CSMD1: variants seen among roughly 807,000 people sequenced by gnomAD.
The protein encoded by CSMD1 is CUB and Sushi multiple domains 1, also known as CUB and sushi domain-containing protein 1.
In CSMD1, 213 loss-of-function variants were observed where a neutral mutation model predicts 417.5. The observed-to-expected ratio is 0.51, with a 90% confidence interval of 0.46 to 0.57. The LOEUF (loss-of-function observed/expected upper bound fraction) is 0.57. Among genes scored for constraint, CSMD1 ranks in the 20% least tolerant of loss-of-function variants. The pLI is 0.00. For synonymous variants in CSMD1, 2,862 were observed against 1,736.8 expected, an observed-to-expected ratio of 1.65 and a Z score of -16.11; for missense variants, 6,923 against 4,529.7, an observed-to-expected ratio of 1.53 and a Z score of -15.17.
At chr8:3,690,028 G>C (rs1800153658) in intron 7 of CSMD1, among the ~76,000 whole-genome samples, 1 of 152,202 alleles carries the variant, frequency 6.6e-6, no homozygotes, top group African/African-American at 2.4e-5. Context: ...TGGAGTTCTT[G>C]CTTTAGCAAA....
intron 4 of CSMD1, among the ~76,000 whole-genome samples, chr8:4,031,075 G>C (rs1359201149): frequency 6.6e-6 from 1 of 152,106 alleles, no homozygotes; most frequent in Non-Finnish European, 1.5e-5. Context: ...CAAGTCTCTA[G>C]AGAATTCCAA....
chr8:3,293,515 T>G (rs752958534), intron 25 of CSMD1, among the ~76,000 whole-genome samples: 3 of 151,986 alleles, frequency 2.0e-5, no homozygotes, highest in African/African-American at 2.4e-5. Context: ...CTTGGAGGCT[T>G]TGTTTGTTTC....
intron 5 of CSMD1, among the ~76,000 whole-genome samples, chr8:3,842,857 G>A (rs1187683418): frequency 6.6e-6 from 1 of 152,012 alleles, no homozygotes; most frequent in African/African-American, 2.4e-5. Flanking sequence ...GGGAATATAG[G>A]ATTAATATCA....
chr8:4,051,132 GA>G (rs1483116662), intron 3 of CSMD1, among the ~76,000 whole-genome samples: 1 of 151,886 alleles, frequency 6.6e-6, no homozygotes, highest in Non-Finnish European at 1.5e-5. Context: ...GAAAAGAAAA[GA>G]AAAGAAAAAA....
chr8:4,729,752 G>A (rs1402606218), intron 1 of CSMD1, among the ~76,000 whole-genome samples: 1 of 152,158 alleles, frequency 6.6e-6, no homozygotes, highest in Non-Finnish European at 1.5e-5. Flanking sequence ...TGTAGGGAAG[G>A]ATCTCATAAA....
At chr8:4,196,317 A>C (rs542406015) in intron 3 of CSMD1, among the ~76,000 whole-genome samples, 17 of 152,332 alleles carry the variant, frequency 1.1e-4, no homozygotes, top group African/African-American at 3.8e-4. Flanking sequence ...TCGCTGCCGT[A>C]CATTACTACA....
At chr8:3,935,150 GA>G (rs1383684631) in intron 5 of CSMD1, among the ~76,000 whole-genome samples, 10 of 152,080 alleles carry the variant, frequency 6.6e-5, no homozygotes, top group African/African-American at 2.2e-4. Context: ...AGATTTTTAA[GA>G]AGCAAGAATA....
chr8:4,192,337 C>G (rs1799078539), intron 3 of CSMD1, among the ~76,000 whole-genome samples: 1 of 152,152 alleles, frequency 6.6e-6, no homozygotes, highest in East Asian at 1.9e-4. Context: ...TCAGGAGGAG[C>G]TATAATCAGC....
At chr8:4,443,448 G>C (rs749820888) in intron 2 of CSMD1, among the ~76,000 whole-genome samples, 3 of 152,178 alleles carry the variant, frequency 2.0e-5, no homozygotes, top group African/African-American at 7.2e-5. Flanking sequence ...ACACTGAATT[G>C]TATGATGCAA....
intron 32 of CSMD1, 127 bp downstream of exon 32, chr8:3,201,485 A>G: frequency 2.0e-6 from 1 of 488,386 alleles, no homozygotes; most frequent in Non-Finnish European, 3.6e-6. Context: ...TTTTCTAAGC[A>G]CACACGCAAA....
intron 5 of CSMD1, among the ~76,000 whole-genome samples, chr8:3,789,042 G>A (rs1192503517): frequency 6.6e-6 from 1 of 152,190 alleles, no homozygotes; most frequent in Non-Finnish European, 1.5e-5. Context: ...TGTTCTGAAT[G>A]TTTCTGTCCC....
At chr8:4,204,305 T>G (rs750858279) in intron 3 of CSMD1, among the ~76,000 whole-genome samples, 5 of 152,196 alleles carry the variant, frequency 3.3e-5, no homozygotes, top group Admixed American at 1.3e-4. Context: ...TGGTTTTCTT[T>G]CTCAGAATCA....
intron 2 of CSMD1, among the ~76,000 whole-genome samples, chr8:4,437,994 G>C (rs1004952838): frequency 2.6e-5 from 4 of 152,084 alleles, no homozygotes; most frequent in Admixed American, 2.6e-4. Flanking sequence ...ACCCAATAAA[G>C]TGGTCTGATC....
intron 5 of CSMD1, among the ~76,000 whole-genome samples, chr8:3,968,199 T>C (rs946728258): frequency 1.3e-5 from 2 of 151,096 alleles, no homozygotes; most frequent in African/African-American, 2.4e-5. Flanking sequence ...ATAATAATAA[T>C]AATAATAATA....
chr8:4,856,828 C>A (rs1801829068), intron 1 of CSMD1, among the ~76,000 whole-genome samples: 5 of 151,730 alleles, frequency 3.3e-5, no homozygotes, highest in Admixed American at 1.3e-4. Flanking sequence ...GAGACTTTAA[C>A]ACCCCACTGT....
intron 1 of CSMD1, among the ~76,000 whole-genome samples, chr8:4,915,261 A>G (rs1805972958): frequency 6.6e-6 from 1 of 152,132 alleles, no homozygotes. Flanking sequence ...TCTAACACAA[A>G]TACTCCAATT....
chr8:4,668,098 G>A (rs1322162920), intron 1 of CSMD1, among the ~76,000 whole-genome samples: 1 of 151,984 alleles, frequency 6.6e-6, no homozygotes, highest in Admixed American at 6.5e-5. Context: ...TACCTTGCAC[G>A]TGTAGCTTTT....
At chr8:3,868,940 G>A (rs929969170) in intron 5 of CSMD1, among the ~76,000 whole-genome samples, 3 of 152,160 alleles carry the variant, frequency 2.0e-5, no homozygotes, top group African/African-American at 7.2e-5. Flanking sequence ...CAGAGCCAAA[G>A]AGACTCCATT....
chr8:4,230,358 C>G (rs1326354911), intron 3 of CSMD1, among the ~76,000 whole-genome samples: 2 of 152,182 alleles, frequency 1.3e-5, no homozygotes, highest in East Asian at 1.9e-4. Flanking sequence ...GCCGAGTAAA[C>G]TCTGGTGACC....
Sources: allele counts gnomAD v4.1 joint callset (sites outside exome capture counted in the v4.1 genomes callset), GRCh38; gene constraint gnomAD v4.1.1; transcripts MANE v1.5; gene names NCBI Gene and HGNC (gene_info 2026-07-23, HGNC 2026-07-21).